PLEKHG1: variants seen among roughly 807,000 people sequenced by gnomAD.
PLEKHG1 encodes pleckstrin homology domain-containing family G member 1.
In PLEKHG1, 44 loss-of-function variants were observed where a neutral mutation model predicts 100.8. The observed-to-expected ratio is 0.44, with a 90% CI of 0.34 to 0.56. PLEKHG1 has a LOEUF of 0.56. PLEKHG1 is among the 20% of genes least tolerant of loss of function. The pLI is 0.01. For missense variants in PLEKHG1, 1,545 were observed against 1,720.9 expected (o/e 0.90, Z 1.81); for synonymous variants, 640 against 662.5 (o/e 0.97, Z 0.52).
intron 1 of PLEKHG1, among the ~76,000 whole-genome samples, chr6:150,631,509 T>G (rs930028706): frequency 2.0e-5 from 3 of 151,706 alleles, no homozygotes; most frequent in South Asian, 2.1e-4. Flanking sequence ...TCGGACAGAG[T>G]CTTGTGGCTT....
intron 1 of PLEKHG1, among the ~76,000 whole-genome samples, chr6:150,627,802 C>A (rs571694115): frequency 2.6e-5 from 4 of 152,260 alleles, no homozygotes; most frequent in African/African-American, 9.6e-5. Context: ...GAAAGGTTTC[C>A]ATCACCCTCT....
At chr6:150,612,588 T>A (rs978499508) in intron 1 of PLEKHG1, among the ~76,000 whole-genome samples, 1 of 152,126 alleles carries the variant, frequency 6.6e-6, no homozygotes, top group Admixed American at 6.6e-5. Flanking sequence ...CCGCCTCAAC[T>A]TCCCAAAGTG....
At chr6:150,675,365 A>C (rs926650583) in intron 3 of PLEKHG1, among the ~76,000 whole-genome samples, 1 of 152,118 alleles carries the variant, frequency 6.6e-6, no homozygotes. Context: ...TTGTACACCA[A>C]AGTGTGTGCC....
chr6:150,746,960 T>C (rs1249539092), intron 2 of PLEKHG1, among the ~76,000 whole-genome samples: 2 of 152,280 alleles, frequency 1.3e-5, no homozygotes, highest in Non-Finnish European at 2.9e-5. Flanking sequence ...TCTTAGGCTT[T>C]GCTTTTAAGG....
At chr6:150,625,637 CAT>C (rs1364272531) in intron 1 of PLEKHG1, 4 of 152,124 alleles carry the variant, frequency 2.6e-5, no homozygotes, top group African/African-American at 9.7e-5. Context: ...GGATTACAGG[CAT>C]GCACCACCAT....
intron 1 of PLEKHG1, among the ~76,000 whole-genome samples, chr6:150,632,754 G>T (rs1469656843): frequency 6.6e-6 from 1 of 152,216 alleles, no homozygotes; most frequent in Non-Finnish European, 1.5e-5. Context: ...TAATTGAGGA[G>T]AACTTTAACT....
intron 2 of PLEKHG1, among the ~76,000 whole-genome samples, chr6:150,645,540 G>A (rs1203454764): frequency 1.3e-5 from 2 of 152,078 alleles, no homozygotes; most frequent in African/African-American, 4.8e-5. Flanking sequence ...AATATATGAA[G>A]AACTCCAACA....
At chr6:150,706,103 A>C (rs548895655) in intron 3 of PLEKHG1, among the ~76,000 whole-genome samples, 31 of 152,174 alleles carry the variant, frequency 2.0e-4, no homozygotes, top group Non-Finnish European at 3.5e-4. Flanking sequence ...GTACAACAAA[A>C]CAAGTGTTTT....
At chr6:150,794,426 G>A (rs982434095) in intron 4 of PLEKHG1, among the ~76,000 whole-genome samples, 1 of 152,164 alleles carries the variant, frequency 6.6e-6, no homozygotes, top group African/African-American at 2.4e-5. Context: ...AACACTTTGA[G>A]AGGCCAAGGC....
chr6:150,605,504 T>A (rs989338436), intron 1 of PLEKHG1: 3 of 152,208 alleles, frequency 2.0e-5, no homozygotes, highest in African/African-American at 7.2e-5. Context: ...CGATAAATGG[T>A]AACTTTTATT....
chr6:150,695,476 AGAGCT>A (rs2128595673), intron 3 of PLEKHG1, among the ~76,000 whole-genome samples: 1 of 152,342 alleles, frequency 6.6e-6, no homozygotes, highest in East Asian at 1.9e-4. Flanking sequence ...TATAGAGAAA[AGAGCT>A]GATTCTACTT....
chr6:150,725,682 T>C (rs1421859683), intron 1 of PLEKHG1, among the ~76,000 whole-genome samples: 1 of 152,154 alleles, frequency 6.6e-6, no homozygotes, highest in Admixed American at 6.5e-5. Context: ...TTTTTGCTGT[T>C]GTTGCCTGTG....
chr6:150,779,287 C>T (rs1212211807), intron 3 of PLEKHG1, among the ~76,000 whole-genome samples: 1 of 150,916 alleles, frequency 6.6e-6, no homozygotes. Flanking sequence ...GAAACTAAAG[C>T]TTGGAGGCAA....
intron 3 of PLEKHG1, among the ~76,000 whole-genome samples, chr6:150,687,623 G>T (rs1036729944): frequency 6.6e-6 from 1 of 152,144 alleles, no homozygotes; most frequent in Non-Finnish European, 1.5e-5. Flanking sequence ...CTAGAAGGGA[G>T]CTCTTTGGTC....
chr6:150,773,699 A>G (rs1309721126), intron 3 of PLEKHG1, among the ~76,000 whole-genome samples: 1 of 152,182 alleles, frequency 6.6e-6, no homozygotes, highest in Non-Finnish European at 1.5e-5. Flanking sequence ...TGCCCTGTCA[A>G]GGAATTTTTT....
chr6:150,782,010 C>T (rs58288363), intron 3 of PLEKHG1, among the ~76,000 whole-genome samples: 300 of 152,118 alleles, frequency 2.0e-3, no homozygotes, highest in African/African-American at 6.8e-3. Flanking sequence ...GATCTCCTGA[C>T]CTCGTGATCC....
intron 4 of PLEKHG1, among the ~76,000 whole-genome samples, chr6:150,786,854 A>AC (rs1399809161): frequency 1.3e-5 from 2 of 151,658 alleles, no homozygotes; most frequent in African/African-American, 4.8e-5. Flanking sequence ...ACATGGTGAA[A>AC]CCCCGTCTCT....
At chr6:150,827,082 G>A (rs559855109) in intron 14 of PLEKHG1, among the ~76,000 whole-genome samples, 8 of 142,778 alleles carry the variant, frequency 5.6e-5, no homozygotes, top group East Asian at 2.1e-4. Flanking sequence ...TTGTAGAGAT[G>A]GGGTGTCTCA....
intron 2 of PLEKHG1, among the ~76,000 whole-genome samples, chr6:150,736,718 G>A (rs770662015): frequency 3.9e-5 from 6 of 152,016 alleles, no homozygotes; most frequent in South Asian, 4.1e-4. Flanking sequence ...GCAGTGAGCC[G>A]AGATTGCACC....
Sources: gnomAD v4.1 joint callset for allele counts (sites outside exome capture counted in the v4.1 genomes callset) on GRCh38, gnomAD v4.1.1 for gene constraint, MANE v1.5 for transcripts, NCBI Gene and HGNC (gene_info 2026-07-23, HGNC 2026-07-21) for gene names.